Variants in FERMT2 observed in about 807,000 individuals in gnomAD.
FERMT2 encodes the protein FERM domain containing kindlin 2.
In FERMT2, 15 loss-of-function variants were observed where a neutral mutation model predicts 82.7. That is an observed-to-expected ratio of 0.18 (90% CI 0.12 to 0.28). The LOEUF is 0.28. Among genes scored for constraint, FERMT2 ranks in the 10% least tolerant of loss-of-function variants. The probability of loss-of-function intolerance (pLI) is 1.00; values close to 1 mark genes in which losing one functional copy is unlikely to be tolerated. For synonymous variants in FERMT2, 274 were observed against 271.5 expected, an observed-to-expected ratio of 1.01 and a Z score of -0.09; for missense variants, 645 against 809.4, an observed-to-expected ratio of 0.80 and a Z score of 2.46.
intron 3 of FERMT2, among the ~76,000 whole-genome samples, chr14:52,909,914 G>A (rs758020888): frequency 5.9e-5 from 9 of 152,110 alleles, no homozygotes; most frequent in East Asian, 1.9e-4. Context: ...TTAGCTGGGC[G>A]TGGTGGAGCG....
intron 3 of FERMT2, among the ~76,000 whole-genome samples, chr14:52,893,658 C>T (rs906074043): frequency 1.3e-5 from 2 of 152,036 alleles, no homozygotes; most frequent in Non-Finnish European, 2.9e-5. Flanking sequence ...TAACAATCTA[C>T]TAGGGTACGG....
intron 3 of FERMT2, among the ~76,000 whole-genome samples, chr14:52,904,317 G>A (rs1031120856): frequency 6.6e-6 from 1 of 152,234 alleles, no homozygotes; most frequent in Non-Finnish European, 1.5e-5. Flanking sequence ...AGGAGTTGGA[G>A]ACCAGCCTGG....
intron 2 of FERMT2, among the ~76,000 whole-genome samples, chr14:52,935,494 T>G: frequency 6.6e-6 from 1 of 152,154 alleles, no homozygotes; most frequent in Non-Finnish European, 1.5e-5. Context: ...GTGGAACTGG[T>G]ATCCTTAGAA....
chr14:52,949,351 G>A (rs544240131), intron 2 of FERMT2, among the ~76,000 whole-genome samples: 1 of 145,960 alleles, frequency 6.9e-6, no homozygotes, highest in East Asian at 2.1e-4. Context: ...TACTTTCCCA[G>A]TGTAGCTTGA....
intron 2 of FERMT2, among the ~76,000 whole-genome samples, chr14:52,934,459 C>T (rs1409297241): frequency 1.3e-5 from 2 of 152,168 alleles, no homozygotes; most frequent in East Asian, 3.8e-4. Flanking sequence ...TCTTTTATGC[C>T]TTGGCAAGCT....
chr14:52,924,212 T>C (rs1889123276), intron 2 of FERMT2, among the ~76,000 whole-genome samples: 1 of 151,880 alleles, frequency 6.6e-6, no homozygotes, highest in African/African-American at 2.4e-5. Context: ...GGAGAGGAAA[T>C]GGAGATCAGC....
chr14:52,898,868 C>T (rs1887455296), intron 3 of FERMT2, among the ~76,000 whole-genome samples: 1 of 152,202 alleles, frequency 6.6e-6, no homozygotes, highest in Non-Finnish European at 1.5e-5. Context: ...ATGCTTCTAA[C>T]AAAGTCACCA....
chr14:52,912,370 T>C (rs935374268), intron 3 of FERMT2, among the ~76,000 whole-genome samples: 1 of 152,198 alleles, frequency 6.6e-6, no homozygotes, highest in Non-Finnish European at 1.5e-5. Context: ...TCTTATAATT[T>C]GTCAAAATAT....
At chr14:52,941,901 T>G (rs935045733) in intron 2 of FERMT2, among the ~76,000 whole-genome samples, 1 of 152,222 alleles carries the variant, frequency 6.6e-6, no homozygotes. Context: ...ATTGGTCCCC[T>G]GCATTTCAGA....
intron 2 of FERMT2, among the ~76,000 whole-genome samples, chr14:52,921,657 TG>T (rs1343332411): frequency 6.6e-6 from 1 of 152,130 alleles, no homozygotes. Context: ...GAGTTACTGT[TG>T]AGCTGAACTG....
At chr14:52,874,096 T>TA in intron 9 of FERMT2, 81 bp downstream of exon 9, 1 of 894,650 alleles carries the variant, frequency 1.1e-6, no homozygotes, top group South Asian at 1.9e-5. Flanking sequence ...TAGTCAAACT[T>TA]AACAGTTAGT....
At chr14:52,938,052 C>A (rs8011220) in intron 2 of FERMT2, among the ~76,000 whole-genome samples, 110,989 of 152,126 alleles carry the variant, frequency 0.73, 40,654 homozygotes, top group South Asian at 0.78. Flanking sequence ...TTTATAAGGA[C>A]ACTAAGTTGC....
chr14:52,950,702 C>G, intron 1 of FERMT2, 125 bp from the exon 2 acceptor site: 1 of 924,386 alleles, frequency 1.1e-6, no homozygotes, highest in Non-Finnish European at 1.6e-6. Flanking sequence ...TCGGCAGAAA[C>G]TCGGGAGGGC....
In FERMT2 at chr14:52,919,371, C is replaced by A; in HGVS notation, c.158-15G>T. 2 of 1,540,574 alleles carry A rather than the reference C, an allele frequency of 1.3e-6. No homozygotes were observed. Among genetic ancestry groups the A allele is most frequent in the Non-Finnish European group, 1.8e-6 (2 of 1,131,704 alleles). ...TTTTTTTACATCTATAAAAAACAAA[C>A]AATAAACAAATCACTTAAAAATCAC... On this transcript the variant is annotated splice_polypyrimidine_tract_variant and intron_variant, in intron 2 of 14. Coordinates refer to ENST00000341590, the MANE Select transcript of FERMT2 (RefSeq NM_006832.3).
At chr14:52,864,125 T>TG (rs1267602392) in intron 12 of FERMT2, among the ~76,000 whole-genome samples, 1 of 152,220 alleles carries the variant, frequency 6.6e-6, no homozygotes, top group Non-Finnish European at 1.5e-5. Flanking sequence ...TTTTGGATTT[T>TG]GGAATATCTG....
intron 7 of FERMT2, among the ~76,000 whole-genome samples, chr14:52,876,841 G>A (rs1011886799): frequency 6.6e-6 from 1 of 152,020 alleles, no homozygotes; most frequent in Non-Finnish European, 1.5e-5. Flanking sequence ...CCTTATTCTG[G>A]TACTAGTTGG....
At chr14:52,860,853 T>C (rs1884885112) in intron 12 of FERMT2, 4 of 658,438 alleles carry the variant, frequency 6.1e-6, no homozygotes, top group South Asian at 5.6e-5. Flanking sequence ...TACATGTTTC[T>C]AGCAGGAATA....
At chr14:52,943,433 A>G (rs978740398) in intron 2 of FERMT2, among the ~76,000 whole-genome samples, 1 of 152,132 alleles carries the variant, frequency 6.6e-6, no homozygotes, top group Non-Finnish European at 1.5e-5. Flanking sequence ...GCTGTTCTGT[A>G]TATCAAAGGA....
At chr14:52,895,757 AATAG>A (rs1419705170) in intron 3 of FERMT2, among the ~76,000 whole-genome samples, 1 of 152,170 alleles carries the variant, frequency 6.6e-6, no homozygotes, top group African/African-American at 2.4e-5. Flanking sequence ...TCACACTTTA[AATAG>A]ATACAGTTTA....
Sources: gnomAD v4.1 joint callset for allele counts (sites outside exome capture counted in the v4.1 genomes callset) on GRCh38, gnomAD v4.1.1 for gene constraint, MANE v1.5 for transcripts, NCBI Gene and HGNC (gene_info 2026-07-23, HGNC 2026-07-21) for gene names.